The following TMCC1 variants were observed in gnomAD, a reference collection of about 807,000 sequenced individuals.
The protein encoded by TMCC1 is transmembrane and coiled-coil domains protein 1.
TMCC1 carries 15 observed loss-of-function variants against 52.4 expected under a neutral mutation model. That is an observed-to-expected ratio of 0.29 (90% CI 0.19 to 0.44). The LOEUF is 0.44. Among genes scored for constraint, TMCC1 ranks in the 20% least tolerant of loss-of-function variants. The probability of loss-of-function intolerance (pLI) is 1.00; values close to 1 mark genes in which losing one functional copy is unlikely to be tolerated. For missense variants in TMCC1, 503 were observed against 806.0 expected (o/e 0.62, Z 4.55); for synonymous variants, 279 against 301.9 (o/e 0.92, Z 0.79).
At chr3:129,760,947 C>T (rs1233129589) in intron 4 of TMCC1, among the ~76,000 whole-genome samples, 2 of 152,074 alleles carry the variant, frequency 1.3e-5, no homozygotes. Flanking sequence ...CTTTAGAGTT[C>T]ATTCTTTGTG....
rs61673201 is a variant in TMCC1 at position 129,870,759 on chromosome 3, CAAAAAAAAAAAA to C, written c.-184+9538_-184+9549del. On this transcript the variant is annotated intron_variant, in intron 2 of 6. Transcript: ENST00000393238. Reference sequence around the variant, plus strand: ...GGGGCGACAGAGCAAGACTCCATCTCAAAAAAAAAAAAAAAAAAAAAAAGATATGGTAGCTAA... The same window carrying C: ...GGGGCGACAGAGCAAGACTCCATCTCAAAAAAAAAAAGATATGGTAGCTAA... 7.5e-4 allele frequency among the ~76,000 whole-genome samples: 8 copies of C among 10,678 alleles called. No homozygotes were observed. In the South Asian group the frequency reaches 0.033, roughly 44 times the overall value. 7.0% of individuals were successfully genotyped at this position (10,678 alleles called of 152,430 possible).
chr3:129,696,947 G>A (rs1485059339), intron 4 of TMCC1, among the ~76,000 whole-genome samples: 1 of 152,212 alleles, frequency 6.6e-6, no homozygotes, highest in Admixed American at 6.5e-5. Context: ...GTACAGCCCT[G>A]CTCCTGGGTG....
intron 2 of TMCC1, among the ~76,000 whole-genome samples, chr3:129,838,047 A>G (rs1560519801): frequency 6.6e-6 from 1 of 152,216 alleles, no homozygotes; most frequent in African/African-American, 2.4e-5. Context: ...AACAGAGAAG[A>G]AACATTTGAA....
At chr3:129,794,901 C>G (rs2056718003) in intron 4 of TMCC1, among the ~76,000 whole-genome samples, 1 of 152,154 alleles carries the variant, frequency 6.6e-6, no homozygotes, top group Admixed American at 6.5e-5. Flanking sequence ...TTAGGTAATC[C>G]TTTAAGGTGA....
chr3:129,651,634 A>G lies in TMCC1; in HGVS notation c.1809T>C (p.Phe603=). The G allele has an allele frequency of 6.2e-7, 1 of 1,614,256 alleles. No homozygotes were observed. Among genetic ancestry groups the G allele is most frequent in the Non-Finnish European group, 8.5e-7 (1 of 1,180,042 alleles). The part of the protein sequence containing the change: ...LLAVMAVLLV[F]VSTVANCVVP... ...CCACACAGTTGGCTACAGTGGAGAC[A>G]AAGACCAAAAGGACTGCCATGACAG... is the stretch of plus-strand genomic sequence containing the variant. Residue 603 remains phenylalanine (F), a synonymous_variant, in exon 7 of 7, where the codon TTT becomes TTC. Transcript: ENST00000393238. This position sits in a 1 kb window ranked among gnomAD's most constrained non-coding sequence, Gnocchi z 5.1.
chr3:129,714,429 T>C (rs992462625), intron 4 of TMCC1, among the ~76,000 whole-genome samples: 3 of 152,200 alleles, frequency 2.0e-5, no homozygotes, highest in African/African-American at 7.2e-5. Context: ...AATGAGATCA[T>C]ATTTTCACTT....
intron 4 of TMCC1, among the ~76,000 whole-genome samples, chr3:129,687,434 T>G (rs2089482184): frequency 6.6e-6 from 1 of 152,220 alleles, no homozygotes; most frequent in African/African-American, 2.4e-5. Flanking sequence ...CTCCAAAATC[T>G]GCTAAAAGTA....
intron 5 of TMCC1, among the ~76,000 whole-genome samples, chr3:129,669,436 A>AT (rs746722233): frequency 1.9e-3 from 277 of 144,314 alleles, no homozygotes; most frequent in Middle Eastern, 3.7e-3. Context: ...TTAGAAAAAA[A>AT]TTTTTTTTTT....
intron 4 of TMCC1, among the ~76,000 whole-genome samples, chr3:129,712,163 C>G (rs997419755): frequency 2.0e-5 from 3 of 151,900 alleles, no homozygotes; most frequent in African/African-American, 7.3e-5. Flanking sequence ...TGCAACAGAG[C>G]GAGACTCTTT....
At position 129,792,815 on chromosome 3, in the gene TMCC1, G is replaced by C. The variant is rs944348778; in HGVS notation, c.576+34988C>G. On this transcript the variant is annotated intron_variant, in intron 4 of 6. Coordinates refer to ENST00000393238, the MANE Select transcript of TMCC1 (RefSeq NM_001017395.5). ...AGGAATGAAAAAAGGCTACATCTTT[G>C]AGTGTTTTTATGTAATGTACCTAAA... Among the ~76,000 whole-genome samples the C allele has an allele frequency of 2.6e-5, 4 of 152,118 alleles. No homozygotes were observed. In the East Asian group the frequency reaches 7.7e-4, roughly 29 times the overall value.
intron 2 of TMCC1, among the ~76,000 whole-genome samples, chr3:129,875,490 CAAAAAAAAAA>C (rs370431347): frequency 1.7e-4 from 3 of 17,324 alleles, no homozygotes; most frequent in African/African-American, 3.2e-4. Context: ...GACTCCATCT[CAAAAAAAAAA>C]AAAAAAAAAA....
intron 2 of TMCC1, among the ~76,000 whole-genome samples, chr3:129,858,341 T>A (rs2060235654): frequency 6.7e-6 from 1 of 150,122 alleles, no homozygotes; most frequent in Non-Finnish European, 1.5e-5. Flanking sequence ...ACAGGAACCT[T>A]AAGGATCATT....
chr3:129,879,038 T>A (rs1379103871), intron 2 of TMCC1, among the ~76,000 whole-genome samples: 1 of 152,234 alleles, frequency 6.6e-6, no homozygotes, highest in African/African-American at 2.4e-5. Context: ...TATGAAGCCA[T>A]CTGTGAACAC....
intron 2 of TMCC1, among the ~76,000 whole-genome samples, chr3:129,854,812 T>G (rs919234592): frequency 6.6e-6 from 1 of 152,240 alleles, no homozygotes; most frequent in Non-Finnish European, 1.5e-5. Context: ...ATACCTACTC[T>G]TATGCCACTG....
At chr3:129,818,922 T>C (rs934326863) in intron 4 of TMCC1, 9 of 152,750 alleles carry the variant, frequency 5.9e-5, no homozygotes, top group African/African-American at 1.9e-4. Context: ...TTTAAAAAGG[T>C]AGAAGTTGAG....
chr3:129,723,322 C>G (rs1399775588), intron 4 of TMCC1, among the ~76,000 whole-genome samples: 1 of 145,098 alleles, frequency 6.9e-6, no homozygotes, highest in Admixed American at 6.9e-5. Context: ...GGGAAAAATA[C>G]TTTGAAAATA....
rs1436185345 is a variant in TMCC1, at chr3:129,648,340, G to A, written c.*3141C>T. On this transcript the variant is annotated 3_prime_UTR_variant, in exon 7 of 7. Coordinates refer to ENST00000393238, the MANE Select transcript of TMCC1 (RefSeq NM_001017395.5). Reference sequence around the variant, plus strand: ...CGCTCATTATTTGGACATGGCTAGTGAGGAAGGCTCGCTCCCAATATTTGT... The same window carrying A: ...CGCTCATTATTTGGACATGGCTAGTAAGGAAGGCTCGCTCCCAATATTTGT... The A allele has an allele frequency of 6.6e-6, 1 of 152,222 alleles. No individual in the cohort carries two copies. Among genetic ancestry groups the A allele is most frequent in the African/African-American group, 2.4e-5 (1 of 41,464 alleles). 9.4% of individuals were successfully genotyped at this position (152,222 alleles called of 1,614,324 possible).
chr3:129,756,069 G>C (rs2052974731), intron 4 of TMCC1, among the ~76,000 whole-genome samples: 1 of 147,180 alleles, frequency 6.8e-6, no homozygotes, highest in South Asian at 2.1e-4. Context: ...CTGCACTCCA[G>C]CCTGGGCCAC....
chr3:129,776,280 C>T (rs953963349), intron 4 of TMCC1, among the ~76,000 whole-genome samples: 2 of 152,244 alleles, frequency 1.3e-5, no homozygotes, highest in Non-Finnish European at 2.9e-5. Context: ...TTCACTGCTA[C>T]ACTTTATGTA....
Sources: gnomAD v4.1 joint callset for allele counts (sites outside exome capture counted in the v4.1 genomes callset) on GRCh38, gnomAD v4.1.1 for gene constraint, Gnocchi (gnomAD v3.1) non-coding constraint, MANE v1.5 for transcripts, NCBI Gene and HGNC (gene_info 2026-07-23, HGNC 2026-07-21) for gene names.